The following ZNF541 variants were observed in gnomAD, a reference collection of about 807,000 sequenced individuals.
The protein encoded by ZNF541 is zinc finger protein 541.
A neutral mutation model predicts 123.5 loss-of-function variants in ZNF541; 23 were observed. The ratio of observed to expected loss-of-function variants is 0.19; its 90% confidence interval spans 0.13 to 0.26. The LOEUF (loss-of-function observed/expected upper bound fraction) is 0.26. ZNF541 is among the 10% of genes least tolerant of loss of function. The pLI, the probability that ZNF541 is intolerant of heterozygous loss-of-function variation, is 1.00. For missense variants in ZNF541, 1,612 were observed against 1,789.9 expected (o/e 0.90, Z 1.79); for synonymous variants, 751 against 754.5 (o/e 1.00, Z 0.08).
At chr19:47,525,239 C>T (rs1244677518) in intron 14 of ZNF541, among the ~76,000 whole-genome samples, 6 of 151,244 alleles carry the variant, frequency 4.0e-5, no homozygotes, top group Admixed American at 6.6e-5. Flanking sequence ...GAGTGAAGAG[C>T]GCGCCACTGC....
In ZNF541 at chr19:47,555,572, C is replaced by T. The variant is rs920293960; in HGVS notation, c.285G>A (p.Ser95=). ...CACCTTGTAAGGATGCCTGAGACTC[C>T]GAATCTGCGTACTCCTCCAGCAGCT... ...SVKLLEEYAD[S]ESQASLQDLG... Residue 95 remains serine (S), a synonymous_variant, in exon 3 of 17, where the codon TCG becomes TCA. Coordinates refer to ENST00000391901, the MANE Select transcript of ZNF541 (RefSeq NM_001277075.3). The T allele has an allele frequency of 1.7e-5, 27 of 1,546,782 alleles. No individual in the cohort carries two copies. The highest frequency in any genetic ancestry group is 6.9e-5 in the African/African-American group (5 of 72,936).
chr19:47,572,699 A>G (rs1013692505), intron 1 of ZNF541, among the ~76,000 whole-genome samples: 31 of 149,782 alleles, frequency 2.1e-4, no homozygotes, highest in Non-Finnish European at 4.2e-4. Flanking sequence ...CCAGATGCAG[A>G]AGGTGGGGAG....
chr19:47,566,054 G>T (rs1251599955), intron 2 of ZNF541, among the ~76,000 whole-genome samples: 1 of 152,072 alleles, frequency 6.6e-6, no homozygotes, highest in Admixed American at 6.6e-5. Context: ...GTGGGTGCCT[G>T]TAACCCCAGC....
chr19:47,523,974 A>G (rs1599936751), intron 14 of ZNF541, among the ~76,000 whole-genome samples: 2 of 152,318 alleles, frequency 1.3e-5, no homozygotes, highest in Non-Finnish European at 2.9e-5. Context: ...CAAAAGGATG[A>G]GAGGGGAAAG....
At chr19:47,567,060 TA>T (rs931381049) in intron 2 of ZNF541, among the ~76,000 whole-genome samples, 2 of 151,146 alleles carry the variant, frequency 1.3e-5, no homozygotes, top group Non-Finnish European at 1.5e-5. Flanking sequence ...CAAAAATAAA[TA>T]AATAAATAAA....
chr19:47,552,878 A>C (rs1970664870), intron 3 of ZNF541, among the ~76,000 whole-genome samples: 1 of 150,184 alleles, frequency 6.7e-6, no homozygotes, highest in Non-Finnish European at 1.5e-5. Context: ...TGGGAGGCCG[A>C]GGAGGGTGGA....
rs1393554292 is a variant in ZNF541, at chr19:47,538,422, C to G, written c.2814G>C (p.Gly938=). The change falls in exon 9 of 17, where the codon GGG becomes GGC. Residue 938 remains glycine (G), a synonymous_variant. Transcript: ENST00000391901. ...GSMAMGQEKD[G]EERDSKESSQ... is the part of the protein sequence containing the mutation. ...TGCTCTCCTTGCTGTCTCGCTCCTC[C>G]CCGTCTTTCTCTTGTCCCTGAAGAA... The G allele has an allele frequency of 6.6e-7, 1 of 1,524,268 alleles. No individual in the cohort carries two copies. Among genetic ancestry groups the G allele is most frequent in the East Asian group, 2.5e-5 (1 of 40,692 alleles). The allele number at this position is 1,524,268 out of a possible 1,614,324, so 94.4% of individuals were successfully genotyped here. A position where few individuals can be genotyped will look rare whatever the true frequency, so the allele number is the denominator to read the frequency against.
At chr19:47,533,105 A>C (rs1400521285) in intron 9 of ZNF541, 133 bp from the exon 10 acceptor site, 1 of 680,398 alleles carries the variant, frequency 1.5e-6, no homozygotes. Flanking sequence ...ACAGTGGTTC[A>C]CGCCTGTAAT....
At chr19:47,543,177 A>C (rs1970156439) in intron 5 of ZNF541, among the ~76,000 whole-genome samples, 1 of 152,114 alleles carries the variant, frequency 6.6e-6, no homozygotes, top group Non-Finnish European at 1.5e-5. Flanking sequence ...ATGTTAACAA[A>C]ACAAAAATGA....
intron 9 of ZNF541, among the ~76,000 whole-genome samples, chr19:47,534,266 G>C (rs573431806): frequency 6.6e-6 from 1 of 152,256 alleles, no homozygotes; most frequent in East Asian, 1.9e-4. Flanking sequence ...AAAATAAAGA[G>C]AGCCTCAGAG....
At chr19:47,528,909 T>G (rs1233426993) in intron 14 of ZNF541, 41 bp downstream of exon 14, 3 of 1,494,832 alleles carry the variant, frequency 2.0e-6, no homozygotes, top group Non-Finnish European at 2.7e-6. Flanking sequence ...GTCTCAGCTG[T>G]GTGAGGCAGG....
chr19:47,550,991 T>A (rs1970574624), intron 3 of ZNF541, among the ~76,000 whole-genome samples: 1 of 152,088 alleles, frequency 6.6e-6, no homozygotes, highest in Non-Finnish European at 1.5e-5. Context: ...GAAGGAATAA[T>A]AAAAGATTTT....
intron 3 of ZNF541, among the ~76,000 whole-genome samples, chr19:47,550,139 C>T (rs1258135232): frequency 1.3e-5 from 2 of 151,980 alleles, no homozygotes; most frequent in Admixed American, 1.3e-4. Flanking sequence ...GTAATCCCGG[C>T]TATTTGGGAG....
chr19:47,526,979 T>C (rs1390497611), intron 14 of ZNF541, among the ~76,000 whole-genome samples: 1 of 152,188 alleles, frequency 6.6e-6, no homozygotes, highest in Admixed American at 6.5e-5. Flanking sequence ...ATCCACCCAG[T>C]GGAATACTAT....
intron 2 of ZNF541, among the ~76,000 whole-genome samples, chr19:47,561,364 A>G (rs1301952665): frequency 6.6e-6 from 1 of 152,008 alleles, no homozygotes; most frequent in Non-Finnish European, 1.5e-5. Flanking sequence ...CTTGAGCCCA[A>G]GAATTGGAGG....
intron 14 of ZNF541, among the ~76,000 whole-genome samples, chr19:47,526,496 A>AAAAAAAAAAAAAAAAAAAAG (rs573697191): frequency 7.3e-6 from 1 of 137,362 alleles, no homozygotes; most frequent in African/African-American, 3.0e-5. Context: ...AAAAAAAAAA[A>AAAAAAAAAAAAAAAAAAAAG]AAAAGAAAAC....
At chr19:47,525,598 T>C (rs556322191) in intron 14 of ZNF541, among the ~76,000 whole-genome samples, 11 of 152,300 alleles carry the variant, frequency 7.2e-5, no homozygotes, top group East Asian at 5.8e-4. Flanking sequence ...GTAAACCTAA[T>C]TGTAAAACCT....
At chr19:47,542,838 C>T (rs1260984911) in intron 5 of ZNF541, among the ~76,000 whole-genome samples, 1 of 151,838 alleles carries the variant, frequency 6.6e-6, no homozygotes, top group Non-Finnish European at 1.5e-5. Context: ...CCCAGCTACT[C>T]GGAGGCTGAG....
chr19:47,570,389 C>T (rs2123445050), intron 2 of ZNF541, among the ~76,000 whole-genome samples: 1 of 151,622 alleles, frequency 6.6e-6, no homozygotes, highest in Admixed American at 6.6e-5. Flanking sequence ...ACCGCCTTGC[C>T]AACATGGTGA....
Sources: gnomAD v4.1 joint callset for allele counts (sites outside exome capture counted in the v4.1 genomes callset) on GRCh38, gnomAD v4.1.1 for gene constraint, MANE v1.5 for transcripts, NCBI Gene and HGNC (gene_info 2026-07-23, HGNC 2026-07-21) for gene names.